ZNF385D: variants seen among roughly 807,000 people sequenced by gnomAD.
ZNF385D encodes zinc finger protein 659.
ZNF385D carries 15 observed loss-of-function variants against 35.8 expected under a neutral mutation model. That is an observed-to-expected ratio of 0.42 (90% CI 0.28 to 0.64). The LOEUF (loss-of-function observed/expected upper bound fraction) is 0.64, where lower values mean the gene tolerates loss of function less well. Among genes scored for constraint, ZNF385D ranks in the 30% least tolerant of loss-of-function variants. The probability of loss-of-function intolerance (pLI) is 0.23; values close to 1 mark genes in which losing one functional copy is unlikely to be tolerated. For missense variants in ZNF385D, 474 were observed against 494.6 expected, an observed-to-expected ratio of 0.96 and a Z score of 0.39; for synonymous variants, 212 against 186.8, an observed-to-expected ratio of 1.13 and a Z score of -1.10.
Position 21,419,879 on chromosome 3 carries a change from C to T in ZNF385D, c.*1335G>A, listed in dbSNP as rs377415075. 6.6e-6 allele frequency: 1 copy of T among 150,976 alleles called. No homozygotes were observed. Among genetic ancestry groups the T allele is most frequent in the Non-Finnish European group, 1.5e-5 (1 of 67,794 alleles). The allele number at this position is 150,976 out of a possible 1,614,324, so 9.4% of individuals were successfully genotyped here. ...ACAATATACATATATTTATATATAC[C>T]CCTGATAAATCTTGTTTTAAAGGTA... On this transcript the variant is annotated 3_prime_UTR_variant, in exon 8 of 8. Coordinates refer to ENST00000281523, the MANE Select transcript of ZNF385D (RefSeq NM_024697.3).
chr3:21,959,571 G>A (rs1354910563), intron 3 of ZNF385D, among the ~76,000 whole-genome samples: 1 of 152,078 alleles, frequency 6.6e-6, no homozygotes, highest in African/African-American at 2.4e-5. Context: ...CCAGTCACAG[G>A]AGTTGTACTC....
intron 2 of ZNF385D, among the ~76,000 whole-genome samples, chr3:21,654,601 A>G (rs574275332): frequency 6.6e-6 from 1 of 152,150 alleles, no homozygotes; most frequent in East Asian, 1.9e-4. Flanking sequence ...CTTCTCAACA[A>G]TCTTTGCTGA....
chr3:22,159,482 C>T (rs1312008916), intron 3 of ZNF385D, among the ~76,000 whole-genome samples: 1 of 152,024 alleles, frequency 6.6e-6, no homozygotes, highest in Non-Finnish European at 1.5e-5. Context: ...AAAACCTCAT[C>T]ATTGTCCTAG....
intron 3 of ZNF385D, among the ~76,000 whole-genome samples, chr3:22,077,447 G>A (rs893172989): frequency 6.6e-6 from 1 of 151,922 alleles, no homozygotes; most frequent in East Asian, 1.9e-4. Context: ...CATCTATGCT[G>A]ATGTAATTTG....
rs144895393 is a variant in ZNF385D, at chr3:21,969,661, G to A, written c.325+199156C>T. ...TGACGAGAAGGAAACGAAGCTGGCT[G>A]GATTCACCATCTGCTTATTGTAGGG... On this transcript the variant is annotated intron_variant, in intron 3 of 5. Coordinates refer to the ZNF385D transcript ENST00000494108. Among the ~76,000 whole-genome samples, 727 of 152,256 alleles carry A rather than the reference G, an allele frequency of 4.8e-3. 3 individuals are homozygous for A. The highest frequency in any genetic ancestry group is 8.4e-3 in the Non-Finnish European group (569 of 68,022).
At chr3:22,030,289 A>ATG (rs1559316635) in intron 3 of ZNF385D, among the ~76,000 whole-genome samples, 18 of 98,238 alleles carry the variant, frequency 1.8e-4, no homozygotes, top group African/African-American at 8.0e-4. Context: ...ATATATATAT[A>ATG]TATATATATA....
chr3:21,909,663 T>G (rs1372226325), intron 3 of ZNF385D, among the ~76,000 whole-genome samples: 1 of 152,014 alleles, frequency 6.6e-6, no homozygotes, highest in Non-Finnish European at 1.5e-5. Context: ...GTAGCAGGAA[T>G]AGCATAGGCT....
chr3:21,846,714 C>A (rs1241632250), intron 3 of ZNF385D, among the ~76,000 whole-genome samples: 2 of 151,872 alleles, frequency 1.3e-5, no homozygotes, highest in East Asian at 3.9e-4. Flanking sequence ...CAGCACAAGC[C>A]CTAGCTTTAG....
chr3:22,122,494 T>C (rs528679580), intron 3 of ZNF385D, among the ~76,000 whole-genome samples: 40 of 152,230 alleles, frequency 2.6e-4, no homozygotes, highest in African/African-American at 8.4e-4. Flanking sequence ...ACTAAAAATA[T>C]TGAGCACTAA....
At chr3:21,896,730 G>C (rs961106428) in intron 3 of ZNF385D, among the ~76,000 whole-genome samples, 1 of 152,140 alleles carries the variant, frequency 6.6e-6, no homozygotes, top group Non-Finnish European at 1.5e-5. Flanking sequence ...AGTGTCAGGG[G>C]GTGGGAAGGG....
intron 3 of ZNF385D, among the ~76,000 whole-genome samples, chr3:21,553,561 T>C (rs1264612226): frequency 6.6e-6 from 1 of 152,160 alleles, no homozygotes; most frequent in Non-Finnish European, 1.5e-5. Context: ...GAGAAAGCTG[T>C]GGCAATTTCT....
chr3:21,840,387 G>C (rs1176304343), intron 3 of ZNF385D, among the ~76,000 whole-genome samples: 1 of 152,036 alleles, frequency 6.6e-6, no homozygotes, highest in Non-Finnish European at 1.5e-5. Context: ...GGCTTTGTAA[G>C]GGATATAACC....
chr3:22,140,138 C>T (rs921648338), intron 3 of ZNF385D, among the ~76,000 whole-genome samples: 9 of 152,200 alleles, frequency 5.9e-5, no homozygotes, highest in African/African-American at 2.2e-4. Flanking sequence ...TCACAGAACT[C>T]TGTACATAAA....
At chr3:21,914,634 T>C (rs1213026684) in intron 3 of ZNF385D, among the ~76,000 whole-genome samples, 1 of 151,990 alleles carries the variant, frequency 6.6e-6, no homozygotes, top group African/African-American at 2.4e-5. Context: ...TCTATTTACA[T>C]TGCATCACTT....
chr3:21,844,423 T>C (rs548925231), intron 3 of ZNF385D, among the ~76,000 whole-genome samples: 2 of 143,692 alleles, frequency 1.4e-5, no homozygotes, highest in Admixed American at 6.8e-5. Flanking sequence ...CCATTATAGA[T>C]GGTGCTTTCT....
intron 1 of ZNF385D, among the ~76,000 whole-genome samples, chr3:21,689,897 A>C (rs2067227075): frequency 1.3e-5 from 2 of 152,138 alleles, no homozygotes; most frequent in South Asian, 2.1e-4. Context: ...AAAAAAAAAA[A>C]AAAAAGTAGC....
At chr3:21,751,430 C>T, upstream of ZNF385D, 1 of 1,003,938 alleles carries the variant, frequency 1.0e-6, no homozygotes, top group African/African-American at 1.7e-5. Context: ...AGAAATTCAC[C>T]ACTGTGCAGG....
chr3:22,047,393 TA>T (rs1356183574), intron 3 of ZNF385D, among the ~76,000 whole-genome samples: 1 of 152,118 alleles, frequency 6.6e-6, no homozygotes, highest in African/African-American at 2.4e-5. Context: ...CTTTCACCAA[TA>T]TCCTTTATTA....
chr3:21,802,425 G>A (rs990544990), intron 3 of ZNF385D, among the ~76,000 whole-genome samples: 3 of 152,118 alleles, frequency 2.0e-5, no homozygotes, highest in Non-Finnish European at 4.4e-5. Context: ...AGAAGGCTAT[G>A]AGTGCCTTCA....
Sources: allele counts gnomAD v4.1 joint callset (sites outside exome capture counted in the v4.1 genomes callset), GRCh38; gene constraint gnomAD v4.1.1; transcripts MANE v1.5; gene names NCBI Gene and HGNC (gene_info 2026-07-23, HGNC 2026-07-21).